The following SLC22A24 variants were observed in gnomAD, a reference collection of about 807,000 sequenced individuals.
The protein encoded by SLC22A24 is steroid transmembrane transporter SLC22A24.
SLC22A24 carries 53 observed loss-of-function variants against 49.8 expected under a neutral mutation model. The ratio of observed to expected loss-of-function variants is 1.06; its 90% CI spans 0.85 to 1.34. The LOEUF is 1.34. Among genes scored for constraint, SLC22A24 ranks in the 40% most tolerant of loss-of-function variants. The pLI is 0.00. For synonymous variants in SLC22A24, 302 were observed against 256.4 expected, an observed-to-expected ratio of 1.18 and a Z score of -1.70; for missense variants, 786 against 675.9, an observed-to-expected ratio of 1.16 and a Z score of -1.81.
In SLC22A24 at chr11:63,081,028, G is replaced by A; in HGVS notation, c.1490C>T (p.Pro497Leu). ...MTLMAYSPHL[P>L]WISYGVFPIL... ...GGGGAAGACTCCATAGGAAATCCAGGGTAGGTGGGGAGAATACGCCATTAA... is the reference window on the plus strand; with the variant it reads ...GGGGAAGACTCCATAGGAAATCCAGAGTAGGTGGGGAGAATACGCCATTAA... Residue 497 changes from proline (P) to leucine (L), a missense_variant, in exon 9 of 10, where the codon CCC (proline) becomes CTC (leucine). Transcript: ENST00000612278. 6.4e-7 allele frequency: 1 copy of A among 1,551,668 alleles called. No individual in the cohort carries two copies. Among genetic ancestry groups the A allele is most frequent in the Non-Finnish European group, 8.7e-7 (1 of 1,147,000 alleles).
At chr11:63,113,969 G>A (rs745689102) in intron 4 of SLC22A24, among the ~76,000 whole-genome samples, 5 of 151,784 alleles carry the variant, frequency 3.3e-5, no homozygotes, top group Non-Finnish European at 7.4e-5. Context: ...TGGGTAACCC[G>A]ACCTTTCTCT....
chr11:63,129,603 C>G (rs969439247), intron 2 of SLC22A24, among the ~76,000 whole-genome samples: 3 of 152,146 alleles, frequency 2.0e-5, no homozygotes, highest in African/African-American at 7.2e-5. Flanking sequence ...TTCTTCCTAT[C>G]CATGACCATG....
At position 63,104,160 on chromosome 11, in the gene SLC22A24, C is replaced by G. The variant is rs933496664; in HGVS notation, c.954+15G>C. On this transcript the variant is annotated intron_variant, in intron 5 of 9. Coordinates refer to ENST00000612278, the MANE Select transcript of SLC22A24 (RefSeq NM_001136506.2). ...TTCATTTAATCACAGCAATCATTTC[C>G]CCTTTCCAGATCACCTCAGTGGTCA... is the stretch of plus-strand genomic sequence containing the variant. 2.6e-6 allele frequency: 4 copies of G among 1,547,904 alleles called. No individual in the cohort carries two copies. Among genetic ancestry groups the G allele is most frequent in the Non-Finnish European group, 3.5e-6 (4 of 1,146,572 alleles).
At chr11:63,122,960 G>A (rs1029141383) in intron 2 of SLC22A24, among the ~76,000 whole-genome samples, 3 of 152,100 alleles carry the variant, frequency 2.0e-5, no homozygotes, top group Non-Finnish European at 4.4e-5. Context: ...ATTTCTTTGT[G>A]TTGGAAATAT....
At chr11:63,118,257 T>C (rs893563141) in intron 4 of SLC22A24, among the ~76,000 whole-genome samples, 3 of 151,954 alleles carry the variant, frequency 2.0e-5, no homozygotes, top group Non-Finnish European at 4.4e-5. Flanking sequence ...AGCTGGAGAG[T>C]AGGAACTGAA....
rs192209128 is a variant in SLC22A24 at position 63,113,053 on chromosome 11, T to C, written c.830+5859A>G. On this transcript the variant is annotated intron_variant, in intron 4 of 9. Transcript: ENST00000612278. ...AAAAAAAAATATATATATATATATA[T>C]ACATATATATATATACATATATATA... Among the ~76,000 whole-genome samples the C allele has an allele frequency of 8.8e-3, 37 of 4,224 alleles. 12 individuals are homozygous for C. Among genetic ancestry groups the C allele is most frequent in the Admixed American group, 0.067 (7 of 104 alleles). The allele number at this position is 4,224 out of a possible 152,430, so 2.8% of individuals were successfully genotyped here. A position where few individuals can be genotyped will look rare whatever the true frequency, so the allele number is the denominator to read the frequency against.
intron 4 of SLC22A24, among the ~76,000 whole-genome samples, chr11:63,109,912 G>A (rs1430580909): frequency 0.018 from 2,770 of 151,732 alleles, 39 homozygotes; most frequent in Non-Finnish European, 0.027. Context: ...TTAGACATGA[G>A]GTCCTTGCCC....
At chr11:63,099,740 T>C (rs2087079319) in intron 5 of SLC22A24, among the ~76,000 whole-genome samples, 1 of 151,990 alleles carries the variant, frequency 6.6e-6, no homozygotes, top group African/African-American at 2.4e-5. Flanking sequence ...CCAGGCAGAA[T>C]TTATGACCAG....
chr11:63,142,927 C>T (rs1397224327), intron 1 of SLC22A24, among the ~76,000 whole-genome samples: 1 of 152,030 alleles, frequency 6.6e-6, no homozygotes, highest in Non-Finnish European at 1.5e-5. Flanking sequence ...AAACAAAAAG[C>T]AAAAAACAAA....
At chr11:63,080,484 C>T (rs2086952761) in intron 9 of SLC22A24, among the ~76,000 whole-genome samples, 1 of 152,120 alleles carries the variant, frequency 6.6e-6, no homozygotes, top group South Asian at 2.1e-4. Context: ...TTGACTGAAG[C>T]AATAATTAGG....
intron 6 of SLC22A24, among the ~76,000 whole-genome samples, chr11:63,091,035 A>G (rs1170777704): frequency 6.6e-6 from 1 of 152,222 alleles, no homozygotes; most frequent in Non-Finnish European, 1.5e-5. Context: ...ATGGACCGCT[A>G]GCTAGACTAA....
rs1357391704 is a variant in SLC22A24, at chr11:63,083,450, T to C, written c.1078A>G (p.Ile360Val). 6.4e-7 allele frequency: 1 copy of C among 1,550,712 alleles called. No individual in the cohort carries two copies. Among genetic ancestry groups the C allele is most frequent in the East Asian group, 2.4e-5 (1 of 40,922 alleles). The change falls in exon 7 of 10, where the codon ATC (isoleucine) becomes GTC (valine). Residue 360 changes from isoleucine (I) to valine (V), a missense_variant. Ile to Val is a conservative substitution (Grantham distance 29). Transcript: ENST00000612278. ...ATCAGGCCATAAAAGGGTACAGTGATTGCGAATCTGAAGTGAATAAAAAGG... is the reference window on the plus strand; with the variant it reads ...ATCAGGCCATAAAAGGGTACAGTGACTGCGAATCTGAAGTGAATAAAAAGG... ...VFGLCFVRFA[I>V]TVPFYGLILN...
chr11:63,106,267 A>AT (rs1274048246), intron 4 of SLC22A24, among the ~76,000 whole-genome samples: 5 of 151,942 alleles, frequency 3.3e-5, no homozygotes, highest in African/African-American at 1.2e-4. Flanking sequence ...TGAACTCATC[A>AT]TTTTTTATGG....
At chr11:63,141,733 CAG>C (rs1426603447) in intron 1 of SLC22A24, among the ~76,000 whole-genome samples, 5 of 152,142 alleles carry the variant, frequency 3.3e-5, no homozygotes, top group South Asian at 4.1e-4. Context: ...CTTCATGGAA[CAG>C]AGTTTCATCA....
intron 4 of SLC22A24, among the ~76,000 whole-genome samples, chr11:63,108,136 C>A (rs185206272): frequency 3.9e-5 from 6 of 152,008 alleles, no homozygotes; most frequent in African/African-American, 9.7e-5. Flanking sequence ...GAGAGTTTTT[C>A]GCATGCAGGG....
chr11:63,120,736 G>T (rs1474240580), intron 2 of SLC22A24, among the ~76,000 whole-genome samples: 1 of 152,024 alleles, frequency 6.6e-6, no homozygotes, highest in Non-Finnish European at 1.5e-5. Flanking sequence ...CACCTGTTCT[G>T]TAATTTTTGT....
At chr11:63,126,097 C>T (rs773238597) in intron 2 of SLC22A24, among the ~76,000 whole-genome samples, 1 of 152,056 alleles carries the variant, frequency 6.6e-6, no homozygotes, top group Non-Finnish European at 1.5e-5. Context: ...AATTTTCTCC[C>T]ATTCTGTATG....
rs1407369154 is a variant in SLC22A24 at position 63,081,059 on chromosome 11, T to A, written c.1459A>T (p.Met487Leu). 2 of 1,551,658 alleles carry A rather than the reference T, an allele frequency of 1.3e-6. No individual in the cohort carries two copies. The highest frequency in any genetic ancestry group is 8.7e-7 in the Non-Finnish European group (1 of 1,146,946). ...RTGAALAPLL[M>L]TLMAYSPHLP... ...TGGGGAGAATACGCCATTAAGGTCA[T>A]CAACAGAGGAGCCAGTGCTGCCCCA... Residue 487 changes from methionine to leucine, a missense_variant, in exon 9 of 10, where the codon ATG becomes TTG. By Grantham distance (15) the Met-to-Leu change is conservative. Transcript: ENST00000612278.
At chr11:63,127,557 A>G (rs1191340281) in intron 2 of SLC22A24, among the ~76,000 whole-genome samples, 3 of 152,134 alleles carry the variant, frequency 2.0e-5, no homozygotes, top group Admixed American at 6.5e-5. Context: ...TCGCCACACT[A>G]TCTTCCACAA....
Sources: gnomAD v4.1 joint callset for allele counts (sites outside exome capture counted in the v4.1 genomes callset) on GRCh38, gnomAD v4.1.1 for gene constraint, MANE v1.5 for transcripts, NCBI Gene and HGNC (gene_info 2026-07-23, HGNC 2026-07-21) for gene names.